Variants in CPT2 observed in about 807,000 individuals in gnomAD.
CPT2 encodes the protein carnitine palmitoyltransferase 2.
A neutral mutation model predicts 48.6 loss-of-function variants in CPT2; 37 were observed. The ratio of observed to expected loss-of-function variants is 0.76; its 90% CI spans 0.59 to 1.00. The LOEUF (loss-of-function observed/expected upper bound fraction) is 1.00. Among genes scored for constraint, CPT2 ranks in the 50% least tolerant of loss-of-function variants. The pLI, the probability that CPT2 is intolerant of heterozygous loss-of-function variation, is 0.00. For synonymous variants in CPT2, 319 were observed against 326.9 expected (o/e 0.98, Z 0.26); for missense variants, 772 against 825.6 (o/e 0.94, Z 0.80).
chr1:53,197,167 C>T, intron 1 of CPT2, 72 bp downstream of exon 1: 2 of 1,512,058 alleles, frequency 1.3e-6, no homozygotes, highest in Non-Finnish European at 1.8e-6. Context: ...TGCAGTCACT[C>T]ATGACTCCTC....
intron 4 of CPT2, chr1:53,212,642 C>T (rs575963922): frequency 3.5e-5 from 14 of 398,246 alleles, no homozygotes; most frequent in East Asian, 2.9e-4. Flanking sequence ...AATTGTCATC[C>T]GTCATTACCT....
At position 53,196,914 on chromosome 1, in the gene CPT2, G is replaced by A. The variant is rs1188783919; in HGVS notation, c.-30G>A. The A allele has an allele frequency of 2.0e-6, 3 of 1,538,086 alleles. No homozygotes were observed. ...TAGACTCCAGAACTCCCCACTTGCC[G>A]CGTTCTCGCCGCCGCAGGCTCCCGG... On this transcript the variant is annotated 5_prime_UTR_variant, in exon 1 of 5. Coordinates refer to ENST00000371486, the MANE Select transcript of CPT2 (RefSeq NM_000098.3).
At chr1:53,213,226 C>A in intron 4 of CPT2, 38 bp from the exon 5 acceptor site, 4 of 1,609,576 alleles carry the variant, frequency 2.5e-6, no homozygotes, top group Non-Finnish European at 3.4e-6. Context: ...GGTCCTTTTC[C>A]ATCCTGAGAC....
rs1645359406 is a variant in CPT2 at position 53,202,385 on chromosome 1, TG to T, written c.298del (p.Val100LeufsTer30). On this transcript the variant is annotated frameshift_variant, in exon 3 of 5. Coordinates refer to ENST00000371486, the MANE Select transcript of CPT2 (RefSeq NM_000098.3). LOFTEE classifies it high-confidence loss of function. ...ATTGGAAAAGAACTGCATGAGCAGCTGGTTGCTCTGGACAAACAGAATAAAC... is the reference window on the plus strand; with the variant it reads ...ATTGGAAAAGAACTGCATGAGCAGCTGTTGCTCTGGACAAACAGAATAAAC... Reference protein sequence around the residue: ...NGIGKELHEQLVALDKQNKHT... With the variant: ...NGIGKELHEQXVALDKQNKHT... 1.2e-6 allele frequency: 2 copies of T among 1,614,052 alleles called. No individual in the cohort carries two copies. The highest frequency in any genetic ancestry group is 1.7e-6 in the Non-Finnish European group (2 of 1,179,996).
intron 3 of CPT2, among the ~76,000 whole-genome samples, chr1:53,207,131 T>TAAGA (rs1645394458): frequency 6.6e-6 from 1 of 152,220 alleles, no homozygotes; most frequent in African/African-American, 2.4e-5. Context: ...TGCTGCTGTG[T>TAAGA]AAGATGTGCC....
At chr1:53,209,816 C>G in intron 3 of CPT2, 199 bp from the exon 4 acceptor site, 1 of 609,682 alleles carries the variant, frequency 1.6e-6, no homozygotes, top group Non-Finnish European at 2.9e-6. Flanking sequence ...GTGATAGAAG[C>G]TAAATGCAAA....
At chr1:53,203,500 A>G (rs1340320248) in intron 3 of CPT2, 3 of 152,126 alleles carry the variant, frequency 2.0e-5, no homozygotes, top group Admixed American at 6.5e-5. Flanking sequence ...TTAGTTTTCT[A>G]TGTGCTTACT....
At chr1:53,207,036 T>A (rs1645393926) in intron 3 of CPT2, among the ~76,000 whole-genome samples, 2 of 152,300 alleles carry the variant, frequency 1.3e-5, no homozygotes, top group East Asian at 1.9e-4. Flanking sequence ...GTTTCCCCCA[T>A]GCTTTTCTTG....
intron 3 of CPT2, chr1:53,203,863 C>A (rs983508143): frequency 6.6e-6 from 1 of 151,472 alleles, no homozygotes; most frequent in Admixed American, 6.6e-5. Flanking sequence ...TTTAAAATGG[C>A]CCTTATACTT....
intron 3 of CPT2, among the ~76,000 whole-genome samples, chr1:53,206,072 G>A (rs1187589941): frequency 6.6e-6 from 1 of 151,798 alleles, no homozygotes; most frequent in Non-Finnish European, 1.5e-5. Flanking sequence ...TGTCCCAGCT[G>A]CTGGGGAGGC....
intron 4 of CPT2, among the ~76,000 whole-genome samples, chr1:53,211,889 G>T (rs545739193): frequency 2.0e-5 from 3 of 150,052 alleles, no homozygotes; most frequent in African/African-American, 7.4e-5. Context: ...GTGAGCCACC[G>T]CACCTGGCCT....
intron 3 of CPT2, among the ~76,000 whole-genome samples, chr1:53,204,472 T>G (rs1040553837): frequency 6.6e-6 from 1 of 152,192 alleles, no homozygotes; most frequent in Non-Finnish European, 1.5e-5. Context: ...TCATAGTCTG[T>G]TGCCTCCAAG....
In CPT2 at chr1:53,210,282, G is replaced by C. The variant is rs1274319358; in HGVS notation, c.608G>C (p.Gly203Ala). Residue 203 changes from glycine to alanine, a missense_variant, in exon 4 of 5, where the codon GGG becomes GCG. Physicochemically the swap from Gly to Ala is moderately conservative, Grantham distance 60. Coordinates refer to ENST00000371486, the MANE Select transcript of CPT2 (RefSeq NM_000098.3). Reference sequence around the variant, plus strand: ...GTGCCTTCCTCTCTGTCCTGGTATGGGGCCTACCTGGTCAATGCGTATCCC... The same window carrying C: ...GTGCCTTCCTCTCTGTCCTGGTATGCGGCCTACCTGGTCAATGCGTATCCC... Reference protein sequence around the residue: ...RFVPSSLSWYGAYLVNAYPLD... With the variant: ...RFVPSSLSWYAAYLVNAYPLD... The C allele has an allele frequency of 5.0e-6, 8 of 1,613,998 alleles. No individual in the cohort carries two copies. Among genetic ancestry groups the C allele is most frequent in the Non-Finnish European group, 6.8e-6 (8 of 1,180,034 alleles).
chr1:53,197,002 C>A lies in CPT2; in HGVS notation c.59C>A (p.Ala20Asp). 6.5e-7 allele frequency: 1 copy of A among 1,532,686 alleles called. No homozygotes were observed. Among genetic ancestry groups the A allele is most frequent in the South Asian group, 1.2e-5 (1 of 83,680 alleles). The allele number at this position is 1,532,686 out of a possible 1,614,324, so 94.9% of individuals were successfully genotyped here. Residue 20 changes from alanine to aspartate, a missense_variant, in exon 1 of 5, where the codon GCC becomes GAC. By Grantham distance (126) the Ala-to-Asp change is moderately radical. Transcript: ENST00000371486. Reference protein sequence around the residue: ...WPRGPAVGPGAPSRPLSAGSG... With the variant: ...WPRGPAVGPGDPSRPLSAGSG... Reference sequence around the variant, plus strand: ...CGGGGCCCCGCGGTTGGTCCGGGAGCCCCCAGTCGGCCCCTCAGCGCCGGC... The same window carrying A: ...CGGGGCCCCGCGGTTGGTCCGGGAGACCCCAGTCGGCCCCTCAGCGCCGGC...
intron 4 of CPT2, chr1:53,212,804 C>T (rs887092145): frequency 2.4e-5 from 10 of 421,664 alleles, no homozygotes; most frequent in East Asian, 6.9e-5. Flanking sequence ...CCACTGGCCC[C>T]GTTACACAGC....
rs1645427841 is a variant in CPT2 at position 53,211,462 on chromosome 1, C to T, written c.1645+143C>T. On this transcript the variant is annotated intron_variant, in intron 4 of 4. Coordinates refer to ENST00000371486, the MANE Select transcript of CPT2 (RefSeq NM_000098.3). ...CAACTCCCCAAATTTTTCTTTTCTACCCTAGCAGTCTGAACAGCCACACTA... is the reference window on the plus strand; with the variant it reads ...CAACTCCCCAAATTTTTCTTTTCTATCCTAGCAGTCTGAACAGCCACACTA... The T allele has an allele frequency of 8.6e-6, 7 of 812,024 alleles. No homozygotes were observed. In the East Asian group the frequency reaches 1.9e-4, roughly 22 times the overall value. 50.3% of individuals were successfully genotyped at this position (812,024 alleles called of 1,614,324 possible).
chr1:53,202,917 G>T, intron 3 of CPT2: 1 of 173,102 alleles, frequency 5.8e-6, no homozygotes, highest in South Asian at 1.4e-4. Context: ...TAAGATCCAA[G>T]GAGGATGGTT....
At chr1:53,206,110 G>A (rs906674807) in intron 3 of CPT2, among the ~76,000 whole-genome samples, 3 of 150,926 alleles carry the variant, frequency 2.0e-5, no homozygotes, top group African/African-American at 7.3e-5. Flanking sequence ...GTGAACCCAG[G>A]AGGCAGAGCT....
chr1:53,213,623 A>T lies in CPT2; in HGVS notation c.*28A>T, dbSNP rs1645446141. The T allele has an allele frequency of 6.3e-7, 1 of 1,595,934 alleles. No individual in the cohort carries two copies. Among genetic ancestry groups the T allele is most frequent in the Non-Finnish European group, 8.6e-7 (1 of 1,168,056 alleles). On this transcript the variant is annotated 3_prime_UTR_variant, in exon 5 of 5. Coordinates refer to ENST00000371486, the MANE Select transcript of CPT2 (RefSeq NM_000098.3). ...TCTGGGCAGATGAAAAGCTACCATC[A>T]CTTCCTCATCATGAAAACTGGGAGG...
Sources: allele counts gnomAD v4.1 joint callset (sites outside exome capture counted in the v4.1 genomes callset), GRCh38; gene constraint gnomAD v4.1.1; transcripts MANE v1.5; gene names NCBI Gene and HGNC (gene_info 2026-07-23, HGNC 2026-07-21).